The following PCNX2 variants were observed in gnomAD, a reference collection of about 807,000 sequenced individuals.
PCNX2 encodes the protein pecanex-like protein 2.
Under a neutral mutation model 223.8 loss-of-function variants are expected in PCNX2, and 168 were observed. That is an observed-to-expected ratio of 0.75 (90% CI 0.66 to 0.85). PCNX2 has a LOEUF of 0.85. Ranked by LOEUF, PCNX2 falls within the 40% of genes least tolerant of loss-of-function variation. The pLI, the probability that PCNX2 is intolerant of heterozygous loss-of-function variation, is 0.00. For synonymous variants in PCNX2, 1,006 were observed against 1,052.6 expected, an observed-to-expected ratio of 0.96 and a Z score of 0.86; for missense variants, 2,507 against 2,675.5, an observed-to-expected ratio of 0.94 and a Z score of 1.39.
In PCNX2 at chr1:233,141,799, G is replaced by GTGTGTGTGTGTGTA. The variant is rs368643677; in HGVS notation, c.3518-1945_3518-1944insTACACACACACACA. On this transcript the variant is annotated intron_variant, in intron 19 of 33. Transcript: ENST00000258229. ...TGTGTGTGTGTGTGTGTGTGTGTGT[G>GTGTGTGTGTGTGTA]TATATGAAGAGAGACTTGGCATTTA... Among the ~76,000 whole-genome samples the GTGTGTGTGTGTGTA allele has an allele frequency of 5.5e-3, 820 of 150,408 alleles. 4 individuals are homozygous for GTGTGTGTGTGTGTA. Among genetic ancestry groups the GTGTGTGTGTGTGTA allele is most frequent in the Non-Finnish European group, 8.1e-3 (544 of 67,530 alleles).
intron 13 of PCNX2, among the ~76,000 whole-genome samples, chr1:233,204,650 C>G (rs1218225595): frequency 2.6e-5 from 4 of 152,230 alleles, no homozygotes; most frequent in African/African-American, 9.6e-5. Flanking sequence ...AAGCCACTAT[C>G]TCTTTCCTTT....
chr1:233,047,395 A>C (rs1461456413), intron 25 of PCNX2: 13 of 985,174 alleles, frequency 1.3e-5, no homozygotes, highest in Non-Finnish European at 1.6e-5. Context: ...GACCCTTTAA[A>C]CTCAAAGATT....
intron 23 of PCNX2, among the ~76,000 whole-genome samples, chr1:233,064,298 C>T (rs1672511034): frequency 6.6e-6 from 1 of 152,194 alleles, no homozygotes; most frequent in South Asian, 2.1e-4. Flanking sequence ...GTGTTAACTT[C>T]TCAATGTGAC....
chr1:233,212,754 T>C (rs983813883), intron 12 of PCNX2, among the ~76,000 whole-genome samples: 2 of 152,240 alleles, frequency 1.3e-5, no homozygotes, highest in African/African-American at 4.8e-5. Context: ...TGGTTTCTGT[T>C]TTAACTACTA....
chr1:233,308,402 T>C, the PCNX2 span, among the ~76,000 whole-genome samples: 1,577 of 151,822 alleles, frequency 0.01, 27 homozygotes, highest in African/African-American at 0.036. Flanking sequence ...GAGGTTGCAG[T>C]GAGCCGAGAT....
intron 13 of PCNX2, among the ~76,000 whole-genome samples, chr1:233,203,144 T>C (rs1041514216): frequency 1.3e-5 from 2 of 152,222 alleles, no homozygotes; most frequent in African/African-American, 4.8e-5. Context: ...GGGTTGGACA[T>C]TCCCAGTTCC....
At chr1:233,016,022 T>A (rs1670644790) in intron 27 of PCNX2, among the ~76,000 whole-genome samples, 1 of 152,232 alleles carries the variant, frequency 6.6e-6, no homozygotes, top group South Asian at 2.1e-4. Flanking sequence ...ATCATGGAGC[T>A]ACAGCCGACA....
At chr1:233,213,817 T>A (rs965985249) in intron 12 of PCNX2, among the ~76,000 whole-genome samples, 9 of 30,324 alleles carry the variant, frequency 3.0e-4, no homozygotes, top group Non-Finnish European at 4.0e-4. Flanking sequence ...CAGTGCACTC[T>A]TTTTTTTTTT....
At chr1:233,019,746 C>A (rs1670811740) in intron 26 of PCNX2, among the ~76,000 whole-genome samples, 1 of 148,604 alleles carries the variant, frequency 6.7e-6, no homozygotes. Context: ...GACAGGAGAA[C>A]CGTTGTGTCT....
At chr1:233,265,404 G>A (rs928858898) in intron 1 of PCNX2, among the ~76,000 whole-genome samples, 38 of 152,142 alleles carry the variant, frequency 2.5e-4, no homozygotes, top group Non-Finnish European at 4.6e-4. Flanking sequence ...TGAGGCTGAG[G>A]CCATATGACT....
In PCNX2 at chr1:233,278,248, T is replaced by C. The variant is rs151116978; in HGVS notation, c.154-15085A>G. ...GCCTCCCACACACCTATTTTCAAGG[T>C]CCACAAACAGTGGCAAGGGCAAACT... On this transcript the variant is annotated intron_variant, in intron 1 of 33. Transcript: ENST00000258229. Among the ~76,000 whole-genome samples the C allele has an allele frequency of 1.4e-3, 213 of 152,260 alleles. 1 individual carries two copies. In the East Asian group the frequency reaches 0.014, roughly 10 times the overall value.
intron 22 of PCNX2, chr1:233,095,343 A>G (rs1241558407): frequency 6.1e-6 from 1 of 163,636 alleles, no homozygotes; most frequent in Non-Finnish European, 1.3e-5. Context: ...TAATATGATA[A>G]CCATACTATA....
the PCNX2 span, among the ~76,000 whole-genome samples, chr1:233,322,532 T>C: frequency 6.6e-6 from 1 of 152,046 alleles, no homozygotes; most frequent in African/African-American, 2.4e-5. Context: ...GGAGGAGGAA[T>C]CTGAGTTGTG....
intron 19 of PCNX2, among the ~76,000 whole-genome samples, chr1:233,156,781 G>A (rs529530275): frequency 6.6e-6 from 1 of 152,240 alleles, no homozygotes; most frequent in Admixed American, 6.5e-5. Flanking sequence ...AGCCGGGTGT[G>A]GTGGCGGGCA....
rs1266401667 is a variant in PCNX2, at chr1:232,991,539, T to TA, written c.5792-5000dup. 2.0e-5 allele frequency among the ~76,000 whole-genome samples: 3 copies of TA among 152,100 alleles called. No individual in the cohort carries two copies. Among genetic ancestry groups the TA allele is most frequent in the African/African-American group, 7.2e-5 (3 of 41,396 alleles). ...CCCCCAGGACCTCAGGGTGGGGCCTTACTTTGACACAGGGTCGTTGCAAAT... is the reference window on the plus strand; with the variant it reads ...CCCCCAGGACCTCAGGGTGGGGCCTTAACTTTGACACAGGGTCGTTGCAAAT... On this transcript the variant is annotated intron_variant, in intron 32 of 33. Transcript: ENST00000258229. The surrounding 1 kb of genome is among the most constrained non-coding windows in gnomAD (Gnocchi z 4.3).
chr1:233,131,023 G>C (rs2102758337), intron 21 of PCNX2, among the ~76,000 whole-genome samples: 1 of 152,244 alleles, frequency 6.6e-6, no homozygotes, highest in South Asian at 2.1e-4. Flanking sequence ...CAAAGGATTA[G>C]AGGCAACCAA....
chr1:233,034,765 C>T (rs1671393379), intron 25 of PCNX2, among the ~76,000 whole-genome samples: 1 of 152,158 alleles, frequency 6.6e-6, no homozygotes. Context: ...CAAAAGGCCT[C>T]ATGAGAGGTA....
chr1:233,015,025 G>T (rs1436154369), intron 27 of PCNX2, among the ~76,000 whole-genome samples: 2 of 152,168 alleles, frequency 1.3e-5, no homozygotes, highest in South Asian at 2.1e-4. Context: ...GTGGGCTGAT[G>T]ATCTGCTTTT....
chr1:233,259,468 T>A (rs2139998), intron 4 of PCNX2, 124 bp from the exon 5 acceptor site: 762,964 of 1,335,628 alleles, frequency 0.57, 222,065 homozygotes, highest in Admixed American at 0.64. Context: ...GATACTTTTT[T>A]AATTTTACTT....
Sources: allele counts gnomAD v4.1 joint callset (sites outside exome capture counted in the v4.1 genomes callset), GRCh38; gene constraint gnomAD v4.1.1; non-coding constraint Gnocchi (gnomAD v3.1); transcripts MANE v1.5; gene names NCBI Gene and HGNC (gene_info 2026-07-23, HGNC 2026-07-21).